Variants in FAM124A observed in about 807,000 individuals in gnomAD.
FAM124A encodes the protein protein FAM124A.
In FAM124A, 23 loss-of-function variants were observed where a neutral mutation model predicts 24.5. The ratio of observed to expected loss-of-function variants is 0.94; its 90% CI spans 0.68 to 1.33. The LOEUF (loss-of-function observed/expected upper bound fraction) is 1.33, where lower values mean the gene tolerates loss of function less well. Among genes scored for constraint, FAM124A ranks in the 40% most tolerant of loss-of-function variants. The pLI is 0.00. For synonymous variants in FAM124A, 287 were observed against 314.7 expected, an observed-to-expected ratio of 0.91 and a Z score of 0.93; for missense variants, 623 against 722.8, an observed-to-expected ratio of 0.86 and a Z score of 1.58.
At chr13:51,278,680 G>C (rs554436047) in intron 3 of FAM124A, among the ~76,000 whole-genome samples, 1 of 152,196 alleles carries the variant, frequency 6.6e-6, no homozygotes, top group Non-Finnish European at 1.5e-5. Flanking sequence ...GAAAAAGACC[G>C]GGTACCATCT....
intron 1 of FAM124A, among the ~76,000 whole-genome samples, chr13:51,229,157 C>T (rs886928173): frequency 1.3e-5 from 2 of 152,190 alleles, no homozygotes; most frequent in Non-Finnish European, 2.9e-5. Flanking sequence ...TCCGTTGTGA[C>T]GGTGGACCCG....
At chr13:51,242,472 A>G (rs939374907) in intron 2 of FAM124A, among the ~76,000 whole-genome samples, 1 of 152,200 alleles carries the variant, frequency 6.6e-6, no homozygotes, top group African/African-American at 2.4e-5. Flanking sequence ...TATGCTAGAT[A>G]TGTTTAAGTG....
In FAM124A at chr13:51,273,466, G is replaced by T. The variant is rs193243880; in HGVS notation, c.835-6984G>T. 2.5e-3 allele frequency among the ~76,000 whole-genome samples: 379 copies of T among 152,278 alleles called. 9 individuals carry two copies. The highest frequency in any genetic ancestry group is 0.022 in the Admixed American group (337 of 15,300). On this transcript the variant is annotated intron_variant, in intron 3 of 3. Transcript: ENST00000322475. ...TACTTTTTCTTTTAATGAGACAGGG[G>T]CTTGCTATGTTGCCCAGGCCGGTCT...
At position 51,272,915 on chromosome 13, in the gene FAM124A, A is replaced by T. The variant is rs1954852548; in HGVS notation, c.835-7535A>T. Reference sequence around the variant, plus strand: ...GACAGCACAGATATTGAACATTTACATCATTGCACAGAGTTCTATAGACAG... The same window carrying T: ...GACAGCACAGATATTGAACATTTACTTCATTGCACAGAGTTCTATAGACAG... On this transcript the variant is annotated intron_variant, in intron 3 of 3. Transcript: ENST00000322475. This position sits in a 1 kb window ranked among gnomAD's most constrained non-coding sequence, Gnocchi z 4.2. 6.6e-6 allele frequency among the ~76,000 whole-genome samples: 1 copy of T among 152,226 alleles called. No individual in the cohort carries two copies. The highest frequency in any genetic ancestry group is 2.4e-5 in the African/African-American group (1 of 41,460).
In FAM124A at chr13:51,252,058, C is replaced by A; in HGVS notation, c.691C>A (p.Pro231Thr). ...SLKRLPCDQC[P>T]VPTDSSVLEF... Reference sequence around the variant, plus strand: ...GAAAAGACTGCCCTGTGACCAGTGCCCGGTGCCCACCGACTCCTCCGTGCT... The same window carrying A: ...GAAAAGACTGCCCTGTGACCAGTGCACGGTGCCCACCGACTCCTCCGTGCT... The change falls in exon 3 of 4, where the codon CCG becomes ACG. Residue 231 changes from proline (P) to threonine (T), a missense_variant. Physicochemically the swap from Pro to Thr is conservative, Grantham distance 38 (BLOSUM62 -1). Transcript: ENST00000322475. 1 of 1,614,044 alleles carries A rather than the reference C, an allele frequency of 6.2e-7. No homozygotes were observed. The highest frequency in any genetic ancestry group is 8.5e-7 in the Non-Finnish European group (1 of 1,180,018).
chr13:51,229,285 G>C (rs763833133), intron 1 of FAM124A, among the ~76,000 whole-genome samples: 4 of 152,242 alleles, frequency 2.6e-5, no homozygotes, highest in Admixed American at 2.6e-4. Flanking sequence ...CCTTTGCAAA[G>C]ATTGGCTGCT....
intron 2 of FAM124A, among the ~76,000 whole-genome samples, chr13:51,246,398 G>T (rs1248468169): frequency 8.8e-5 from 11 of 125,030 alleles, no homozygotes; most frequent in Non-Finnish European, 8.9e-5. Flanking sequence ...CATGTTTCTC[G>T]TGGGGTGGGG....
At chr13:51,269,800 A>T (rs1439125095) in intron 3 of FAM124A, among the ~76,000 whole-genome samples, 3 of 152,232 alleles carry the variant, frequency 2.0e-5, no homozygotes, top group African/African-American at 7.2e-5. Context: ...GTTAATTTTT[A>T]AAAGTATTTT....
intron 2 of FAM124A, among the ~76,000 whole-genome samples, chr13:51,246,404 TGG>T (rs55696364): frequency 3.5e-5 from 2 of 57,308 alleles, no homozygotes; most frequent in African/African-American, 6.5e-5. Flanking sequence ...TCTCGTGGGG[TGG>T]GGGGGGGTGT....
Position 51,282,740 on chromosome 13 carries a change from A to G in FAM124A, c.*1484A>G, listed in dbSNP as rs922554920. The G allele has an allele frequency of 1.3e-5, 2 of 152,296 alleles. No homozygotes were observed. The highest frequency in any genetic ancestry group is 2.9e-5 in the Non-Finnish European group (2 of 68,086). 9.4% of individuals were successfully genotyped at this position (152,296 alleles called of 1,614,324 possible). A position where few individuals can be genotyped will look rare whatever the true frequency, so the allele number is the denominator to read the frequency against. ...CAGCAGTTACCAACCATCAGTCTTCAGCTGAAGCTTCAAGTCTTTGCCATC... is the reference window on the plus strand; with the variant it reads ...CAGCAGTTACCAACCATCAGTCTTCGGCTGAAGCTTCAAGTCTTTGCCATC... On this transcript the variant is annotated 3_prime_UTR_variant, in exon 4 of 4. Coordinates refer to ENST00000322475, the MANE Select transcript of FAM124A (RefSeq NM_001242312.2).
chr13:51,245,263 C>T lies in FAM124A; in HGVS notation c.101-6205C>T. On this transcript the variant is annotated intron_variant, in intron 2 of 3. Coordinates refer to ENST00000322475, the MANE Select transcript of FAM124A (RefSeq NM_001242312.2). ...GTTAGGACTAGGTGTGCCATTTGCA[C>T]AGCATGTGAAAATCTGGCCGCCCCC... The T allele has an allele frequency of 3.3e-6, 2 of 604,456 alleles. 1 individual carries two copies. The highest frequency in any genetic ancestry group is 5.9e-5 in the East Asian group (2 of 33,688). The allele number at this position is 604,456 out of a possible 1,614,324, so 37.4% of individuals were successfully genotyped here. A position where few individuals can be genotyped will look rare whatever the true frequency, so the allele number is the denominator to read the frequency against.
At chr13:51,246,351 C>T (rs1954558489) in intron 2 of FAM124A, among the ~76,000 whole-genome samples, 1 of 147,002 alleles carries the variant, frequency 6.8e-6, no homozygotes, top group Admixed American at 7.2e-5. Context: ...CTGTCCTTCC[C>T]CTCAAATGCT....
chr13:51,229,163 A>C (rs1246758234), intron 1 of FAM124A, among the ~76,000 whole-genome samples: 1 of 152,178 alleles, frequency 6.6e-6, no homozygotes, highest in African/African-American at 2.4e-5. Context: ...GTGACGGTGG[A>C]CCCGGGTGAA....
intron 3 of FAM124A, among the ~76,000 whole-genome samples, chr13:51,277,350 CA>C (rs1434031947): frequency 1.3e-5 from 2 of 152,010 alleles, no homozygotes; most frequent in African/African-American, 2.4e-5. Flanking sequence ...GGAGGGTGAC[CA>C]GGGGTGAGGG....
intron 3 of FAM124A, 28 bp from the exon 4 acceptor site, chr13:51,280,422 C>A (rs1351350330): frequency 1.5e-5 from 23 of 1,546,568 alleles, no homozygotes; most frequent in Non-Finnish European, 2.0e-5. Flanking sequence ...CCATCCTGCA[C>A]TAATGTGATC....
chr13:51,246,352 C>T (rs1954558543), intron 2 of FAM124A, among the ~76,000 whole-genome samples: 1 of 144,962 alleles, frequency 6.9e-6, no homozygotes, highest in Non-Finnish European at 1.5e-5. Flanking sequence ...TGTCCTTCCC[C>T]TCAAATGCTT....
intron 2 of FAM124A, among the ~76,000 whole-genome samples, chr13:51,248,403 GA>G (rs1361508283): frequency 2.0e-5 from 3 of 152,270 alleles, no homozygotes; most frequent in African/African-American, 7.2e-5. Context: ...TTACCCACTT[GA>G]CTGACTGTCC....
chr13:51,256,577 G>C (rs7982205), intron 3 of FAM124A, among the ~76,000 whole-genome samples: 25,649 of 152,082 alleles, frequency 0.17, 2,427 homozygotes, highest in East Asian at 0.43. Flanking sequence ...GGCCATCATT[G>C]CTGGAATACT....
chr13:51,280,467 G>T lies in FAM124A; in HGVS notation c.852G>T (p.Lys284Asn), dbSNP rs369832545. The T allele has an allele frequency of 1.7e-5, 27 of 1,606,918 alleles. No individual in the cohort carries two copies. The African/African-American group carries it at 2.5e-4, about 15-fold the overall frequency. Residue 284 changes from lysine (K) to asparagine (N), a missense_variant, in exon 4 of 4, where the codon AAG becomes AAT. Coordinates refer to ENST00000322475, the MANE Select transcript of FAM124A (RefSeq NM_001242312.2). ...CCCCACAGGCACAAAGGGTGCATAA[G>T]AAGTTTCCTAAACCTGGCAGAGTAC... The part of the protein sequence containing the change: ...KILLQAQRVH[K>N]KFPKPGRVHH...
Sources: allele counts gnomAD v4.1 joint callset (sites outside exome capture counted in the v4.1 genomes callset), GRCh38; gene constraint gnomAD v4.1.1; non-coding constraint Gnocchi (gnomAD v3.1); transcripts MANE v1.5; gene names NCBI Gene and HGNC (gene_info 2026-07-23, HGNC 2026-07-21).